The following ARHGAP28 variants were observed in gnomAD, a reference collection of about 807,000 sequenced individuals.
ARHGAP28 encodes Rho GTPase activating protein 28.
ARHGAP28 carries 56 observed loss-of-function variants against 90.7 expected under a neutral mutation model. The ratio of observed to expected loss-of-function variants is 0.62; its 90% CI spans 0.50 to 0.77. The LOEUF is 0.77. ARHGAP28 is among the 30% of genes least tolerant of loss of function. The pLI, the probability that ARHGAP28 is intolerant of heterozygous loss-of-function variation, is 0.00. For synonymous variants in ARHGAP28, 308 were observed against 323.3 expected, an observed-to-expected ratio of 0.95 and a Z score of 0.51; for missense variants, 869 against 900.9, an observed-to-expected ratio of 0.96 and a Z score of 0.45.
chr18:6,805,458 A>T (rs2056510949), intron 1 of ARHGAP28, among the ~76,000 whole-genome samples: 1 of 139,762 alleles, frequency 7.2e-6, no homozygotes, highest in South Asian at 2.3e-4. Context: ...TTGCTTTTTA[A>T]TCTGGTCTGA....
At chr18:6,789,009 G>A (rs1175281599) in intron 1 of ARHGAP28, 2 of 152,154 alleles carry the variant, frequency 1.3e-5, no homozygotes, top group Non-Finnish European at 1.5e-5. Flanking sequence ...GAGTCTTAAA[G>A]GATAAATGTA....
chr18:6,766,819 T>C (rs1240823605), intron 1 of ARHGAP28, among the ~76,000 whole-genome samples: 1 of 152,216 alleles, frequency 6.6e-6, no homozygotes, highest in African/African-American at 2.4e-5. Flanking sequence ...TGACAACTGC[T>C]TCATGCAGGA....
intron 2 of ARHGAP28, among the ~76,000 whole-genome samples, chr18:6,826,828 C>G (rs2056667847): frequency 6.6e-6 from 1 of 151,810 alleles, no homozygotes; most frequent in South Asian, 2.1e-4. Context: ...GGCAGAGGAC[C>G]CTGCGGCCTT....
At chr18:6,743,857 C>T (rs2055999977) in intron 1 of ARHGAP28, among the ~76,000 whole-genome samples, 1 of 152,118 alleles carries the variant, frequency 6.6e-6, no homozygotes, top group African/African-American at 2.4e-5. Context: ...GATGCTGGGG[C>T]TACAAAAATG....
chr18:6,888,797 G>T (rs1240246645), intron 12 of ARHGAP28, among the ~76,000 whole-genome samples: 2 of 152,016 alleles, frequency 1.3e-5, no homozygotes, highest in African/African-American at 4.8e-5. Context: ...TTACACACAT[G>T]CACTGTCTCT....
intron 14 of ARHGAP28, among the ~76,000 whole-genome samples, chr18:6,891,543 C>T (rs1016071170): frequency 3.3e-5 from 5 of 151,996 alleles, no homozygotes; most frequent in African/African-American, 7.3e-5. Context: ...CTCAGCCTCC[C>T]GAAGTGCTGA....
intron 1 of ARHGAP28, among the ~76,000 whole-genome samples, chr18:6,783,335 CTT>C (rs112028103): frequency 0.089 from 13,301 of 148,736 alleles, 863 homozygotes; most frequent in East Asian, 0.35. Flanking sequence ...GAGTTTCGCT[CTT>C]GTTACCAAGG....
intron 16 of ARHGAP28, 28 bp downstream of exon 16, chr18:6,896,654 C>T (rs1160543357): frequency 4.3e-6 from 7 of 1,611,002 alleles, no homozygotes; most frequent in Non-Finnish European, 5.9e-6. Context: ...AAGGTCTCTG[C>T]ACAAGAAGGA....
In ARHGAP28 at chr18:6,817,170, T is replaced by C. The variant is rs540715984; in HGVS notation, c.123-7592T>C. 2.0e-5 allele frequency among the ~76,000 whole-genome samples: 3 copies of C among 151,284 alleles called. No individual in the cohort carries two copies. The South Asian group carries it at 6.3e-4, about 32-fold the overall frequency. ...CTCTACTAAAAAAACAAAAATTAGC[T>C]GGGCATGGTGGTGCATGCCTATAAT... is the stretch of plus-strand genomic sequence containing the variant. On this transcript the variant is annotated intron_variant, in intron 1 of 17. Coordinates refer to ENST00000383472, the MANE Select transcript of ARHGAP28 (RefSeq NM_001366230.1).
chr18:6,830,678 A>T (rs1224405569), intron 2 of ARHGAP28, among the ~76,000 whole-genome samples: 4 of 152,222 alleles, frequency 2.6e-5, no homozygotes, highest in African/African-American at 9.7e-5. Flanking sequence ...ATAGTATTCC[A>T]GCCTCATCTC....
chr18:6,732,442 G>T (rs894816237), intron 1 of ARHGAP28, among the ~76,000 whole-genome samples: 2 of 152,062 alleles, frequency 1.3e-5, no homozygotes, highest in Non-Finnish European at 2.9e-5. Flanking sequence ...GGAAATAAGT[G>T]ACAATATTTC....
chr18:6,764,664 C>T (rs2056186821), intron 1 of ARHGAP28, among the ~76,000 whole-genome samples: 1 of 152,226 alleles, frequency 6.6e-6, no homozygotes, highest in Admixed American at 6.5e-5. Context: ...GTGAACGAGC[C>T]AAGAGAGATT....
At chr18:6,765,124 G>T (rs557482059) in intron 1 of ARHGAP28, among the ~76,000 whole-genome samples, 6 of 152,230 alleles carry the variant, frequency 3.9e-5, no homozygotes, top group African/African-American at 1.2e-4. Context: ...TTTTGTTCTG[G>T]TAATGTCTTT....
chr18:6,869,290 C>T (rs1302299955), intron 6 of ARHGAP28, among the ~76,000 whole-genome samples: 2 of 112,504 alleles, frequency 1.8e-5, no homozygotes, highest in Non-Finnish European at 3.4e-5. Flanking sequence ...GATGGAGTTT[C>T]GCTCTTGTCA....
chr18:6,914,433 A>G lies in ARHGAP28; in HGVS notation c.*2279A>G, dbSNP rs970726609. The stretch of plus-strand genomic sequence containing the variant: ...TTGGATATAACTTTGATTCTTAATC[A>G]GAGGGCAAATTCATTAGAGAAGAAT... On this transcript the variant is annotated 3_prime_UTR_variant, in exon 18 of 18. Transcript: ENST00000383472. 1 of 152,192 alleles carries G rather than the reference A, an allele frequency of 6.6e-6. No homozygotes were observed. Among genetic ancestry groups the G allele is most frequent in the Non-Finnish European group, 1.5e-5 (1 of 68,030 alleles). The allele number at this position is 152,192 out of a possible 1,614,324, so 9.4% of individuals were successfully genotyped here.
intron 1 of ARHGAP28, among the ~76,000 whole-genome samples, chr18:6,811,851 G>A (rs1187050194): frequency 6.6e-6 from 1 of 151,814 alleles, no homozygotes; most frequent in Admixed American, 6.6e-5. Context: ...ATTAATTTTT[G>A]TCAATGAATT....
Position 6,908,959 on chromosome 18 carries a change from G to T in ARHGAP28, c.2031-1G>T. ...TTATATTATTTTCTCATTTTTTTCA[G>T]TCATGGTTCATCAGAATGTATTAAG... On this transcript the variant is annotated splice_acceptor_variant, in intron 16 of 17. Transcript: ENST00000383472. LOFTEE classifies it high-confidence loss of function. 1 of 1,523,914 alleles carries T rather than the reference G, an allele frequency of 6.6e-7. No homozygotes were observed. Among genetic ancestry groups the T allele is most frequent in the South Asian group, 1.2e-5 (1 of 86,630 alleles). 94.4% of individuals were successfully genotyped at this position (1,523,914 alleles called of 1,614,324 possible).
At chr18:6,811,060 T>C (rs2056552434) in intron 1 of ARHGAP28, among the ~76,000 whole-genome samples, 1 of 152,150 alleles carries the variant, frequency 6.6e-6, no homozygotes, top group African/African-American at 2.4e-5. Flanking sequence ...GCAAAATGAA[T>C]ACTCCTAGCC....
intron 1 of ARHGAP28, among the ~76,000 whole-genome samples, chr18:6,765,233 A>G (rs1334748940): frequency 6.6e-6 from 1 of 152,140 alleles, no homozygotes; most frequent in Admixed American, 6.5e-5. Flanking sequence ...TTTCTTCCTT[A>G]ATGTTTGATA....
Sources: allele counts gnomAD v4.1 joint callset (sites outside exome capture counted in the v4.1 genomes callset), GRCh38; gene constraint gnomAD v4.1.1; transcripts MANE v1.5; gene names NCBI Gene and HGNC (gene_info 2026-07-23, HGNC 2026-07-21).